Variants in KAT6B observed in about 807,000 individuals in gnomAD.
The protein encoded by KAT6B is histone acetyltransferase KAT6B.
In KAT6B, 10 loss-of-function variants were observed where a neutral mutation model predicts 187.5. The ratio of observed to expected loss-of-function variants is 0.05; its 90% CI spans 0.03 to 0.09. The LOEUF (loss-of-function observed/expected upper bound fraction) is 0.09. KAT6B is among the 10% of genes least tolerant of loss of function. The probability of loss-of-function intolerance (pLI) is 1.00; values close to 1 mark genes in which losing one functional copy is unlikely to be tolerated. For missense variants in KAT6B, 1,952 were observed against 2,558.9 expected (o/e 0.76, Z 5.12); for synonymous variants, 861 against 926.8 (o/e 0.93, Z 1.29).
intron 11 of KAT6B, 74 bp from the exon 12 acceptor site, chr10:74,985,006 A>G (rs2133827319): frequency 7.6e-7 from 1 of 1,308,410 alleles, no homozygotes; most frequent in Non-Finnish European, 1.1e-6. Flanking sequence ...TTTCTGAAAT[A>G]CCATATAGAA....
At chr10:75,001,263 G>A (rs936902060) in intron 13 of KAT6B, among the ~76,000 whole-genome samples, 9 of 151,700 alleles carry the variant, frequency 5.9e-5, no homozygotes, top group African/African-American at 1.5e-4. Flanking sequence ...AACCACCCAC[G>A]TCCGTAGAGA....
intron 3 of KAT6B, among the ~76,000 whole-genome samples, chr10:74,876,234 G>C (rs779045446): frequency 6.6e-6 from 1 of 152,014 alleles, no homozygotes; most frequent in Non-Finnish European, 1.5e-5. Context: ...ACCCCTGCCG[G>C]CTTTTAAACT....
In KAT6B at chr10:74,969,783, T is replaced by C. The variant is rs1197416674; in HGVS notation, c.846+8T>C. ...GTCCAAGGCAGAAATGCTGTAAGTA[T>C]GGCTCCCGTAATCCGCCTCCAGGTA... On this transcript the variant is annotated splice_region_variant and intron_variant, in intron 5 of 17. Transcript: ENST00000287239. 3 of 1,582,862 alleles carry C rather than the reference T, an allele frequency of 1.9e-6. No individual in the cohort carries two copies. The highest frequency in any genetic ancestry group is 1.7e-5 in the Admixed American group (1 of 59,944).
intron 2 of KAT6B, 58 bp from the exon 3 acceptor site, chr10:74,842,542 T>C: frequency 1.9e-6 from 1 of 538,720 alleles, no homozygotes; most frequent in Non-Finnish European, 3.2e-6. Context: ...AAGAATCTTT[T>C]AGTTTATTTG....
intron 13 of KAT6B, among the ~76,000 whole-genome samples, chr10:74,996,235 A>G (rs575911315): frequency 2.4e-4 from 37 of 152,384 alleles, no homozygotes; most frequent in Non-Finnish European, 5.1e-4. Flanking sequence ...GGAAGAAGAC[A>G]TAGCTCTTGC....
chr10:74,826,929 C>A (rs1840291206), intron 1 of KAT6B, 144 bp downstream of exon 1: 1 of 150,750 alleles, frequency 6.6e-6, no homozygotes, highest in South Asian at 2.1e-4. Context: ...GGTCAGGCTG[C>A]CCCTGAGCGT....
rs796769577 is a variant in KAT6B at position 74,898,543 on chromosome 10, T to C, written c.621+55065T>C. Among the ~76,000 whole-genome samples, 157 of 152,256 alleles carry C rather than the reference T, an allele frequency of 1.0e-3. 1 individual carries two copies. Among genetic ancestry groups the C allele is most frequent in the African/African-American group, 3.6e-3 (148 of 41,544 alleles). On this transcript the variant is annotated intron_variant, in intron 3 of 17. Transcript: ENST00000287239. ...ATTGCTCACCATAGCCTCAAATTCCTATTCACTGCCCTCTTATATAGTGGA... is the reference window on the plus strand; with the variant it reads ...ATTGCTCACCATAGCCTCAAATTCCCATTCACTGCCCTCTTATATAGTGGA...
At chr10:74,944,094 A>C (rs991979284) in intron 3 of KAT6B, among the ~76,000 whole-genome samples, 3 of 152,190 alleles carry the variant, frequency 2.0e-5, no homozygotes, top group African/African-American at 7.2e-5. Context: ...ACAAAGCAGC[A>C]CTGGATGGAG....
chr10:75,003,151 AAAG>A (rs1309208596), intron 13 of KAT6B: 8 of 152,354 alleles, frequency 5.3e-5, no homozygotes, highest in African/African-American at 1.2e-4. Context: ...GTTGCATCAG[AAAG>A]AAGATGTCAC....
At chr10:74,925,605 G>A (rs1416486275) in intron 3 of KAT6B, among the ~76,000 whole-genome samples, 1 of 152,142 alleles carries the variant, frequency 6.6e-6, no homozygotes, top group Non-Finnish European at 1.5e-5. Flanking sequence ...ATGAGTATTT[G>A]TTGTGAAAGC....
chr10:74,905,845 G>A (rs7917746), intron 3 of KAT6B, among the ~76,000 whole-genome samples: 36,590 of 152,052 alleles, frequency 0.24, 7,202 homozygotes, highest in African/African-American at 0.52. Flanking sequence ...CCTATTGCCT[G>A]CACTCTGAGT....
chr10:74,928,486 G>A (rs1589642791), intron 3 of KAT6B, among the ~76,000 whole-genome samples: 1 of 152,262 alleles, frequency 6.6e-6, no homozygotes, highest in Non-Finnish European at 1.5e-5. Flanking sequence ...CAGGAAGGGA[G>A]ATGAAAAATA....
At chr10:75,014,195 C>G (rs1410514925) in intron 13 of KAT6B, among the ~76,000 whole-genome samples, 3 of 152,174 alleles carry the variant, frequency 2.0e-5, no homozygotes, top group Admixed American at 1.3e-4. Flanking sequence ...ATCTAGCAAG[C>G]TGGGTGCAGT....
chr10:75,000,897 A>G (rs1843786314), intron 13 of KAT6B, among the ~76,000 whole-genome samples: 1 of 152,098 alleles, frequency 6.6e-6, no homozygotes, highest in South Asian at 2.1e-4. Flanking sequence ...TCCGTGTGCT[A>G]TTTAAAAACT....
chr10:74,976,399 C>G, intron 8 of KAT6B, 69 bp downstream of exon 8: 10 of 1,272,654 alleles, frequency 7.9e-6, no homozygotes, highest in Non-Finnish European at 1.0e-5. Flanking sequence ...TGAAAAAAAT[C>G]AACCAATCAA....
At position 74,977,450 on chromosome 10, in the gene KAT6B, T is replaced by A. The variant is rs375539342; in HGVS notation, c.2115+13T>A. 48 of 1,613,506 alleles carry A rather than the reference T, an allele frequency of 3.0e-5. No individual in the cohort carries two copies. The highest frequency in any genetic ancestry group is 4.1e-5 in the Non-Finnish European group (48 of 1,179,584). ...ACTTTCTTGGGAGGTAAGGCGAGGA[T>A]CCCACATTGTAGTAGCAAGTATAAG... On this transcript the variant is annotated intron_variant, in intron 9 of 17. Coordinates refer to ENST00000287239, the MANE Select transcript of KAT6B (RefSeq NM_012330.4).
chr10:74,993,869 G>A (rs552551481), intron 13 of KAT6B, among the ~76,000 whole-genome samples: 1 of 152,130 alleles, frequency 6.6e-6, no homozygotes, highest in Non-Finnish European at 1.5e-5. Flanking sequence ...GTGACCGTAT[G>A]TCCTTCCCAG....
chr10:74,860,669 TA>T (rs1213612036), intron 3 of KAT6B, among the ~76,000 whole-genome samples: 1 of 152,188 alleles, frequency 6.6e-6, no homozygotes, highest in African/African-American at 2.4e-5. Context: ...AGGCACATAA[TA>T]TGGAAGTTAC....
At chr10:74,883,109 A>G (rs552467054) in intron 3 of KAT6B, among the ~76,000 whole-genome samples, 22 of 152,348 alleles carry the variant, frequency 1.4e-4, no homozygotes, top group Middle Eastern at 3.4e-3. Context: ...TATGGGATTG[A>G]AATAATGCAC....
Sources: allele counts gnomAD v4.1 joint callset (sites outside exome capture counted in the v4.1 genomes callset), GRCh38; gene constraint gnomAD v4.1.1; transcripts MANE v1.5; gene names NCBI Gene and HGNC (gene_info 2026-07-23, HGNC 2026-07-21).